The following HCN1 variants were observed in gnomAD, a reference collection of about 807,000 sequenced individuals.
HCN1 encodes potassium/sodium hyperpolarization-activated cyclic nucleotide-gated channel 1.
In HCN1, 13 loss-of-function variants were observed where a neutral mutation model predicts 78.9. The observed-to-expected ratio is 0.16, with a 90% CI of 0.11 to 0.26. HCN1 has a LOEUF of 0.26. HCN1 is among the 10% of genes least tolerant of loss of function. The pLI, the probability that HCN1 is intolerant of heterozygous loss-of-function variation, is 1.00. For missense variants in HCN1, 810 were observed against 1,154.3 expected (o/e 0.70, Z 4.32); for synonymous variants, 552 against 455.5 (o/e 1.21, Z -2.70).
In HCN1 at chr5:45,267,190, AGAC is replaced by A; in HGVS notation, c.1679_1681del (p.Arg560del). The A allele has an allele frequency of 6.2e-7, 1 of 1,614,032 alleles. No homozygotes were observed. The highest frequency in any genetic ancestry group is 8.5e-7 in the Non-Finnish European group (1 of 1,179,918). On this transcript the variant is annotated inframe_deletion, in exon 7 of 8. Coordinates refer to ENST00000303230, the MANE Select transcript of HCN1 (RefSeq NM_021072.4). ...GAAATTGTCCACGGAAAGTGAGTAA[AGAC>A]GACAATATGTATCAGCTCGAACACT...
At chr5:45,459,515 C>A (rs910378685) in intron 3 of HCN1, among the ~76,000 whole-genome samples, 1 of 85,042 alleles carries the variant, frequency 1.2e-5, no homozygotes, top group East Asian at 4.3e-4. Flanking sequence ...ACATACTACA[C>A]ACACACACAC....
chr5:45,373,990 T>G lies in HCN1; in HGVS notation c.1231-20744A>C, dbSNP rs181147566. Among the ~76,000 whole-genome samples the G allele has an allele frequency of 3.8e-4, 43 of 113,846 alleles. No homozygotes were observed. The East Asian group carries it at 6.9e-3, about 18-fold the overall frequency. 74.7% of individuals were successfully genotyped at this position (113,846 alleles called of 152,430 possible). On this transcript the variant is annotated intron_variant, in intron 4 of 7. Transcript: ENST00000303230. ...TTACATACAGTAGATACATAATATA[T>G]ATAATATATATTATATACATAATAT...
intron 2 of HCN1, among the ~76,000 whole-genome samples, chr5:45,631,946 G>T (rs72763945): frequency 0.022 from 3,369 of 152,072 alleles, 64 homozygotes; most frequent in African/African-American, 0.047. Flanking sequence ...ATTTATACTG[G>T]GTAGAAAGGA....
intron 3 of HCN1, among the ~76,000 whole-genome samples, chr5:45,407,919 C>T (rs1467099138): frequency 1.3e-5 from 2 of 152,048 alleles, no homozygotes; most frequent in African/African-American, 4.8e-5. Flanking sequence ...TACTGATGAT[C>T]CTGACCCTGT....
intron 3 of HCN1, among the ~76,000 whole-genome samples, chr5:45,400,040 A>G (rs1739760905): frequency 6.6e-6 from 1 of 152,150 alleles, no homozygotes; most frequent in African/African-American, 2.4e-5. Flanking sequence ...GTCCATGAAC[A>G]AGAAATGGTA....
chr5:45,411,813 T>C (rs1740029475), intron 3 of HCN1, among the ~76,000 whole-genome samples: 1 of 152,064 alleles, frequency 6.6e-6, no homozygotes, highest in Non-Finnish European at 1.5e-5. Context: ...ATCCTAATAT[T>C]ACTTAATGCC....
rs111670797 is a variant in HCN1 at position 45,644,971 on chromosome 5, G to A, written c.849+214C>T. 362 of 539,710 alleles carry A rather than the reference G, an allele frequency of 6.7e-4. 2 individuals are homozygous for A. Among genetic ancestry groups the A allele is most frequent in the Admixed American group, 1.3e-3 (38 of 28,296 alleles). 33.4% of individuals were successfully genotyped at this position (539,710 alleles called of 1,614,324 possible). On this transcript the variant is annotated intron_variant, in intron 2 of 7. Transcript: ENST00000303230. ...AAAATAAAATAAATTGGCATAAAAC[G>A]ATCACTATTTTTTTCAGTTCATTCA... is the stretch of plus-strand genomic sequence containing the variant.
intron 4 of HCN1, among the ~76,000 whole-genome samples, chr5:45,375,092 A>C (rs1379333146): frequency 6.6e-5 from 8 of 120,552 alleles, no homozygotes; most frequent in Admixed American, 5.6e-4. Flanking sequence ...AATTATATAT[A>C]ATATAATATT....
intron 5 of HCN1, among the ~76,000 whole-genome samples, chr5:45,325,150 C>G (rs1318554152): frequency 6.6e-6 from 1 of 151,678 alleles, no homozygotes; most frequent in African/African-American, 2.4e-5. Context: ...GCTTCACTGA[C>G]CTGCCAAAGA....
chr5:45,512,056 T>C (rs1742427398), intron 2 of HCN1, among the ~76,000 whole-genome samples: 1 of 152,096 alleles, frequency 6.6e-6, no homozygotes, highest in South Asian at 2.1e-4. Context: ...TTCATCTTTA[T>C]ATAACTTACT....
chr5:45,676,723 T>C (rs1343387274), intron 1 of HCN1, among the ~76,000 whole-genome samples: 1 of 151,834 alleles, frequency 6.6e-6, no homozygotes, highest in East Asian at 1.9e-4. Flanking sequence ...AGTAAAGGAA[T>C]GGTCATTTAC....
rs574001982 is a variant in HCN1, at chr5:45,449,260, G to A, written c.1011+12586C>T. Among the ~76,000 whole-genome samples the A allele has an allele frequency of 2.6e-5, 4 of 152,292 alleles. No homozygotes were observed. In the South Asian group the frequency reaches 8.3e-4, roughly 32 times the overall value. ...GTCCAAGGTCACATAGCTAGCATAA[G>A]AGAACCAGTAGAGGAATCTAAATAA... On this transcript the variant is annotated intron_variant, in intron 3 of 7. Transcript: ENST00000303230.
intron 6 of HCN1, among the ~76,000 whole-genome samples, chr5:45,268,108 T>C (rs1237129325): frequency 1.3e-5 from 2 of 152,212 alleles, no homozygotes; most frequent in Non-Finnish European, 2.9e-5. Flanking sequence ...ATGTCTAATG[T>C]AGTTTGTATA....
At position 45,259,809 on chromosome 5, in the gene HCN1, C is replaced by T. The variant is rs1317869165; in HGVS notation, c.*2112G>A. The T allele has an allele frequency of 6.6e-6, 1 of 152,386 alleles. No individual in the cohort carries two copies. The highest frequency in any genetic ancestry group is 1.5e-5 in the Non-Finnish European group (1 of 67,974). The allele number at this position is 152,386 out of a possible 1,614,324, so 9.4% of individuals were successfully genotyped here. A position where few individuals can be genotyped will look rare whatever the true frequency, so the allele number is the denominator to read the frequency against. On this transcript the variant is annotated 3_prime_UTR_variant, in exon 8 of 8. Coordinates refer to ENST00000303230, the MANE Select transcript of HCN1 (RefSeq NM_021072.4). ...TGTAAACCTTTAATAATTTAAAGGACCAATACGTAATCTTAATAAATTGAA... is the reference window on the plus strand; with the variant it reads ...TGTAAACCTTTAATAATTTAAAGGATCAATACGTAATCTTAATAAATTGAA...
intron 6 of HCN1, among the ~76,000 whole-genome samples, chr5:45,281,794 A>G (rs953836018): frequency 4.6e-5 from 7 of 151,396 alleles, no homozygotes; most frequent in Admixed American, 4.6e-4. Context: ...GGGTTTCACC[A>G]TATTTGCCAG....
At chr5:45,644,329 T>C (rs1387546459) in intron 2 of HCN1, 1 of 152,126 alleles carries the variant, frequency 6.6e-6, no homozygotes, top group Admixed American at 6.6e-5. Flanking sequence ...TTATAATTAA[T>C]ACAAAAAGAC....
intron 2 of HCN1, among the ~76,000 whole-genome samples, chr5:45,613,649 A>C (rs560306550): frequency 6.6e-6 from 1 of 152,204 alleles, no homozygotes; most frequent in East Asian, 1.9e-4. Context: ...ATGCTGCTAT[A>C]AAGACACATG....
chr5:45,279,927 T>C (rs557457256), intron 6 of HCN1, among the ~76,000 whole-genome samples: 1 of 152,270 alleles, frequency 6.6e-6, no homozygotes, highest in East Asian at 1.9e-4. Context: ...TTGCAGGTCA[T>C]GTCCCAACTC....
chr5:45,600,291 T>G (rs996381089), intron 2 of HCN1, among the ~76,000 whole-genome samples: 3 of 152,066 alleles, frequency 2.0e-5, no homozygotes, highest in Non-Finnish European at 2.9e-5. Context: ...ATTTGATTAA[T>G]TGACCCCAAA....
Sources: gnomAD v4.1 joint callset for allele counts (sites outside exome capture counted in the v4.1 genomes callset) on GRCh38, gnomAD v4.1.1 for gene constraint, MANE v1.5 for transcripts, NCBI Gene and HGNC (gene_info 2026-07-23, HGNC 2026-07-21) for gene names.